The following TBKBP1 variants were observed in gnomAD, a reference collection of about 807,000 sequenced individuals.
TBKBP1 encodes TANK-binding kinase 1-binding protein 1.
TBKBP1 carries 47 observed loss-of-function variants against 69.9 expected under a neutral mutation model. That is an observed-to-expected ratio of 0.67 (90% CI 0.53 to 0.86). The LOEUF is 0.86. TBKBP1 is among the 40% of genes least tolerant of loss of function. The pLI, the probability that TBKBP1 is intolerant of heterozygous loss-of-function variation, is 0.00. For synonymous variants in TBKBP1, 418 were observed against 390.3 expected (o/e 1.07, Z -0.84); for missense variants, 831 against 858.6 (o/e 0.97, Z 0.40).
rs1354231066 is a variant in TBKBP1 at position 47,710,457 on chromosome 17, G to C, written c.1720-41G>C. On this transcript the variant is annotated intron_variant, in intron 9 of 9. Transcript: ENST00000578982. ...AGGCTGGGATGTGGGGACCATGGGTGGGGGCTGGGGACCATAAGTGACTTC... is the reference window on the plus strand; with the variant it reads ...AGGCTGGGATGTGGGGACCATGGGTCGGGGCTGGGGACCATAAGTGACTTC... 5.1e-6 allele frequency: 8 copies of C among 1,583,810 alleles called. No individual in the cohort carries two copies. In the Admixed American group the frequency reaches 5.1e-5, roughly 10 times the overall value.
Position 47,708,341 on chromosome 17 carries a change from G to A in TBKBP1, c.873-53G>A. 1.3e-6 allele frequency: 2 copies of A among 1,589,110 alleles called. No homozygotes were observed. Among genetic ancestry groups the A allele is most frequent in the Non-Finnish European group, 1.7e-6 (2 of 1,159,212 alleles). On this transcript the variant is annotated intron_variant, in intron 7 of 9. Transcript: ENST00000578982. This position sits in a 1 kb window ranked among gnomAD's most constrained non-coding sequence, Gnocchi z 4.4. ...TAGAGCCAGTTCTTCCTCCACAGCT[G>A]GGACGGTAGACCCACTGCCCTTCTC...
At chr17:47,696,905 AC>A in intron 3 of TBKBP1, 72 bp downstream of exon 3, 8 of 1,577,728 alleles carry the variant, frequency 5.1e-6, no homozygotes, top group South Asian at 1.2e-5. Context: ...TTCCCTCCAC[AC>A]CCCCCAGCAT....
chr17:47,711,157 C>A lies in TBKBP1; in HGVS notation c.*531C>A, dbSNP rs547556984. 6.5e-6 allele frequency: 1 copy of A among 153,096 alleles called. No individual in the cohort carries two copies. The highest frequency in any genetic ancestry group is 2.4e-5 in the African/African-American group (1 of 41,594). 9.5% of individuals were successfully genotyped at this position (153,096 alleles called of 1,614,324 possible). Reference sequence around the variant, plus strand: ...AGCCTAGGGCTCATGGCATGGGCCCCCACTGGGGGAGGGAGGCATCTTGTT... The same window carrying A: ...AGCCTAGGGCTCATGGCATGGGCCCACACTGGGGGAGGGAGGCATCTTGTT... On this transcript the variant is annotated 3_prime_UTR_variant, in exon 10 of 10. Coordinates refer to ENST00000578982, the MANE Select transcript of TBKBP1 (RefSeq NM_001394755.1).
chr17:47,702,492 A>C (rs1416294954), intron 7 of TBKBP1, among the ~76,000 whole-genome samples: 4 of 151,940 alleles, frequency 2.6e-5, no homozygotes, highest in Non-Finnish European at 5.9e-5. Context: ...GGGAGTCCTC[A>C]AGGTTAACCG....
In TBKBP1 at chr17:47,709,060, G is replaced by T. The variant is rs1395180886; in HGVS notation, c.1327G>T (p.Ala443Ser). 5.2e-6 allele frequency: 7 copies of T among 1,341,444 alleles called. No homozygotes were observed. The highest frequency in any genetic ancestry group is 6.7e-6 in the Non-Finnish European group (7 of 1,049,120). 83.1% of individuals were successfully genotyped at this position (1,341,444 alleles called of 1,614,324 possible). A position where few individuals can be genotyped will look rare whatever the true frequency, so the allele number is the denominator to read the frequency against. The change falls in exon 9 of 10, where the codon GCC becomes TCC. Residue 443 changes from alanine (A) to serine (S), a missense_variant. Coordinates refer to ENST00000578982, the MANE Select transcript of TBKBP1 (RefSeq NM_001394755.1). ...GGGCGAGAGGACGCTGGCCGAGCGC[G>T]CCTACGCCAAGCCGCCCAGCCACCA... ...PPGERTLAER[A>S]YAKPPSHHVK...
At chr17:47,697,891 G>A (rs901457615) in intron 4 of TBKBP1, among the ~76,000 whole-genome samples, 3 of 148,736 alleles carry the variant, frequency 2.0e-5, no homozygotes, top group Non-Finnish European at 4.4e-5. Flanking sequence ...CGAAGCTTTG[G>A]TGAGCCAAGA....
At chr17:47,705,151 TCTGTTG>T (rs569391119) in intron 7 of TBKBP1, among the ~76,000 whole-genome samples, 138 of 152,314 alleles carry the variant, frequency 9.1e-4, no homozygotes, top group African/African-American at 3.2e-3. Flanking sequence ...GTCTTTCCCT[TCTGTTG>T]CTGCCTTGCC....
Position 47,708,828 on chromosome 17 carries a change from C to A in TBKBP1, c.1095C>A (p.Ser365=), listed in dbSNP as rs943770081. The A allele has an allele frequency of 2.2e-6, 3 of 1,390,644 alleles. No individual in the cohort carries two copies. The highest frequency in any genetic ancestry group is 1.5e-5 in the African/African-American group (1 of 65,738). The allele number at this position is 1,390,644 out of a possible 1,614,324, so 86.1% of individuals were successfully genotyped here. Residue 365 remains serine, a synonymous_variant, in exon 9 of 10, where the codon TCC becomes TCA. Transcript: ENST00000578982. This position sits in a 1 kb window ranked among gnomAD's most constrained non-coding sequence, Gnocchi z 4.4. ...CTCCCCCGTGCCCCCCGTGCCAGTC[C>A]CCCGTCCCCCAGCGCCGCTCTCCCG... is the stretch of plus-strand genomic sequence containing the variant. The part of the protein sequence containing the change: ...RAAPPCPPCQ[S]PVPQRRSPVP...
At chr17:47,695,895 A>G in intron 1 of TBKBP1, 184 bp from the exon 2 acceptor site, 2 of 479,236 alleles carry the variant, frequency 4.2e-6, no homozygotes, top group Admixed American at 3.5e-5. Context: ...CTTTTCCCCA[A>G]GGCGGCAGAG....
intron 3 of TBKBP1, 44 bp from the exon 4 acceptor site, chr17:47,697,045 G>C (rs954385970): frequency 4.4e-6 from 7 of 1,575,938 alleles, no homozygotes; most frequent in Non-Finnish European, 5.2e-6. Flanking sequence ...TCCAAGTCCA[G>C]TGTGGGACTG....
At position 47,708,901 on chromosome 17, in the gene TBKBP1, T is replaced by C; in HGVS notation, c.1168T>C (p.Ser390Pro). ...PQQRRSPASP[S>P]CPSPVPQRRS... The stretch of plus-strand genomic sequence containing the variant: ...GCAGCGCCGCTCTCCGGCCTCACCC[T>C]CCTGCCCGTCGCCCGTCCCGCAGCG... Residue 390 changes from serine (S) to proline (P), a missense_variant, in exon 9 of 10, where the codon TCC (serine) becomes CCC (proline). Coordinates refer to ENST00000578982, the MANE Select transcript of TBKBP1 (RefSeq NM_001394755.1). This position sits in a 1 kb window ranked among gnomAD's most constrained non-coding sequence, Gnocchi z 4.4. The C allele has an allele frequency of 7.3e-7, 1 of 1,363,102 alleles. No individual in the cohort carries two copies. Among genetic ancestry groups the C allele is most frequent in the Non-Finnish European group, 9.4e-7 (1 of 1,062,734 alleles). The allele number at this position is 1,363,102 out of a possible 1,614,324, so 84.4% of individuals were successfully genotyped here.
chr17:47,705,203 G>A (rs1450944288), intron 7 of TBKBP1, among the ~76,000 whole-genome samples: 1 of 152,118 alleles, frequency 6.6e-6, no homozygotes, highest in Non-Finnish European at 1.5e-5. Context: ...TTTGGGGGAC[G>A]TTATAGCATG....
rs757402017 is a variant in TBKBP1 at position 47,709,183 on chromosome 17, G to C, written c.1450G>C (p.Ala484Pro). 1.3e-6 allele frequency: 2 copies of C among 1,482,094 alleles called. No individual in the cohort carries two copies. The highest frequency in any genetic ancestry group is 1.8e-6 in the Non-Finnish European group (2 of 1,125,240). The allele number at this position is 1,482,094 out of a possible 1,614,324, so 91.8% of individuals were successfully genotyped here. A position where few individuals can be genotyped will look rare whatever the true frequency, so the allele number is the denominator to read the frequency against. ...CCCGCCCTGGCTGCAGGCCGAAGCG[G>C]CCACTCTCCCCAAGCCCCGGGCCTA... ...ASPPWLQAEA[A>P]TLPKPRAYGS... The change falls in exon 9 of 10, where the codon GCC becomes CCC. Residue 484 changes from alanine (A) to proline (P), a missense_variant. Transcript: ENST00000578982.
At chr17:47,709,528 G>A in intron 9 of TBKBP1, 76 bp downstream of exon 9, 1 of 1,415,674 alleles carries the variant, frequency 7.1e-7, no homozygotes, top group Non-Finnish European at 9.2e-7. Context: ...ACCCTCCGTT[G>A]AGGGCCTTGC....
Position 47,710,671 on chromosome 17 carries a change from A to G in TBKBP1, c.*45A>G. 1.3e-6 allele frequency: 2 copies of G among 1,565,294 alleles called. No homozygotes were observed. Among genetic ancestry groups the G allele is most frequent in the Non-Finnish European group, 8.7e-7 (1 of 1,145,470 alleles). ...GGCTGTTTCTCCGTCCTCTCCTATC[A>G]CCCCCAAACACTCACTTTGAATGCT... On this transcript the variant is annotated 3_prime_UTR_variant, in exon 10 of 10. Coordinates refer to ENST00000578982, the MANE Select transcript of TBKBP1 (RefSeq NM_001394755.1).
chr17:47,708,906 C>T lies in TBKBP1; in HGVS notation c.1173C>T (p.Cys391=). ...QQRRSPASPS[C]PSPVPQRRSP... ...GCCGCTCTCCGGCCTCACCCTCCTG[C>T]CCGTCGCCCGTCCCGCAGCGCCGCT... Residue 391 remains cysteine (C), a synonymous_variant, in exon 9 of 10, where the codon TGC becomes TGT. Coordinates refer to ENST00000578982, the MANE Select transcript of TBKBP1 (RefSeq NM_001394755.1). This position sits in a 1 kb window ranked among gnomAD's most constrained non-coding sequence, Gnocchi z 4.4. The T allele has an allele frequency of 1.5e-6, 2 of 1,377,534 alleles. No individual in the cohort carries two copies. The highest frequency in any genetic ancestry group is 1.9e-6 in the Non-Finnish European group (2 of 1,065,532). 85.3% of individuals were successfully genotyped at this position (1,377,534 alleles called of 1,614,324 possible).
chr17:47,708,909 G>T lies in TBKBP1; in HGVS notation c.1176G>T (p.Pro392=). 7.3e-7 allele frequency: 1 copy of T among 1,369,052 alleles called. No individual in the cohort carries two copies. Among genetic ancestry groups the T allele is most frequent in the Non-Finnish European group, 9.4e-7 (1 of 1,061,968 alleles). 84.8% of individuals were successfully genotyped at this position (1,369,052 alleles called of 1,614,324 possible). ...GCTCTCCGGCCTCACCCTCCTGCCC[G>T]TCGCCCGTCCCGCAGCGCCGCTCGC... is the stretch of plus-strand genomic sequence containing the variant. ...QRRSPASPSC[P]SPVPQRRSPV... is the part of the protein sequence containing the mutation. The change falls in exon 9 of 10, where the codon CCG becomes CCT. Residue 392 remains proline, a synonymous_variant. Coordinates refer to ENST00000578982, the MANE Select transcript of TBKBP1 (RefSeq NM_001394755.1). The surrounding 1 kb of genome is among the most constrained non-coding windows in gnomAD (Gnocchi z 4.4).
intron 1 of TBKBP1, among the ~76,000 whole-genome samples, chr17:47,695,100 G>A (rs573565004): frequency 3.2e-4 from 48 of 152,126 alleles, no homozygotes; most frequent in African/African-American, 1.1e-3. Context: ...CCCTGCCCAC[G>A]CGCTCACGCA....
chr17:47,701,859 C>T (rs2031519688), intron 7 of TBKBP1, among the ~76,000 whole-genome samples: 1 of 152,202 alleles, frequency 6.6e-6, no homozygotes, highest in South Asian at 2.1e-4. Flanking sequence ...AGGGAGCTGG[C>T]CTCTGCTTGG....
Sources: allele counts gnomAD v4.1 joint callset (sites outside exome capture counted in the v4.1 genomes callset), GRCh38; gene constraint gnomAD v4.1.1; non-coding constraint Gnocchi (gnomAD v3.1); transcripts MANE v1.5; gene names NCBI Gene and HGNC (gene_info 2026-07-23, HGNC 2026-07-21).